Variants in RFX4 observed in about 807,000 individuals in gnomAD.
RFX4 encodes the protein transcription factor RFX4.
A neutral mutation model predicts 95.0 loss-of-function variants in RFX4; 10 were observed. The ratio of observed to expected loss-of-function variants is 0.11; its 90% CI spans 0.06 to 0.18. The LOEUF is 0.18. Ranked by LOEUF, RFX4 falls within the 10% of genes least tolerant of loss-of-function variation. The probability of loss-of-function intolerance (pLI) is 1.00; values close to 1 mark genes in which losing one functional copy is unlikely to be tolerated. For synonymous variants in RFX4, 321 were observed against 340.7 expected, an observed-to-expected ratio of 0.94 and a Z score of 0.64; for missense variants, 640 against 922.0, an observed-to-expected ratio of 0.69 and a Z score of 3.96.
intron 8 of RFX4, among the ~76,000 whole-genome samples, chr12:106,705,851 C>T (rs2042074279): frequency 6.6e-6 from 1 of 152,316 alleles, no homozygotes; most frequent in South Asian, 2.1e-4. Context: ...TATGTGCCTA[C>T]TATGTGTCTG....
intron 11 of RFX4, among the ~76,000 whole-genome samples, chr12:106,716,528 A>G (rs930499824): frequency 1.3e-5 from 2 of 152,124 alleles, no homozygotes; most frequent in Non-Finnish European, 2.9e-5. Context: ...AGAGGGTCCT[A>G]TTAGAGATCT....
At chr12:106,677,072 C>T (rs781335098) in intron 4 of RFX4, among the ~76,000 whole-genome samples, 1 of 152,060 alleles carries the variant, frequency 6.6e-6, no homozygotes, top group Non-Finnish European at 1.5e-5. Context: ...TGGAACCTGG[C>T]GCTGGATTGT....
intron 4 of RFX4, among the ~76,000 whole-genome samples, chr12:106,673,467 C>T (rs1033099737): frequency 1.3e-5 from 2 of 152,296 alleles, no homozygotes; most frequent in East Asian, 1.9e-4. Flanking sequence ...ATAAGCTGAG[C>T]GAGTGTTATG....
intron 1 of RFX4, among the ~76,000 whole-genome samples, chr12:106,584,287 C>G (rs2039419991): frequency 6.6e-6 from 1 of 152,180 alleles, no homozygotes; most frequent in African/African-American, 2.4e-5. Flanking sequence ...CTCCCTAAGT[C>G]CCTTGCAGGT....
At chr12:106,633,860 C>T (rs534052487) in intron 2 of RFX4, among the ~76,000 whole-genome samples, 1 of 152,216 alleles carries the variant, frequency 6.6e-6, no homozygotes, top group Non-Finnish European at 1.5e-5. Context: ...CATGCATCTT[C>T]CCTGGGCCCC....
In RFX4 at chr12:106,732,365, G is replaced by A. The variant is rs2042629607; in HGVS notation, c.1471+116G>A. 7.2e-6 allele frequency: 10 copies of A among 1,397,828 alleles called. No homozygotes were observed. The South Asian group carries it at 1.3e-4, about 19-fold the overall frequency. The allele number at this position is 1,397,828 out of a possible 1,614,324, so 86.6% of individuals were successfully genotyped here. ...CAAAGAATTTAGTTATGGTGAACAG[G>A]TTAAGTGGTATCAAACCAATCATGT... On this transcript the variant is annotated intron_variant, in intron 14 of 17. Coordinates refer to ENST00000392842, the MANE Select transcript of RFX4 (RefSeq NM_213594.3).
chr12:106,750,555 G>A lies in RFX4; in HGVS notation c.1797-100G>A, dbSNP rs115151607. On this transcript the variant is annotated intron_variant, in intron 16 of 17. Coordinates refer to ENST00000392842, the MANE Select transcript of RFX4 (RefSeq NM_213594.3). The stretch of plus-strand genomic sequence containing the variant: ...GGGGAAGAAAAGAAAAGAGAAAAAA[G>A]AAGAAAAAGGAAAAAAAATAGATGA... 2,107 of 1,186,954 alleles carry A rather than the reference G, an allele frequency of 1.8e-3. 30 individuals carry two copies. The African/African-American group carries it at 0.029, about 16-fold the overall frequency. 73.5% of individuals were successfully genotyped at this position (1,186,954 alleles called of 1,614,324 possible).
intron 8 of RFX4, among the ~76,000 whole-genome samples, chr12:106,696,932 C>T (rs867433905): frequency 8.5e-5 from 13 of 152,196 alleles, no homozygotes; most frequent in South Asian, 4.1e-4. Flanking sequence ...CTCCACCACA[C>T]TTCATGCTGC....
chr12:106,648,004 A>T (rs12227783), intron 3 of RFX4, among the ~76,000 whole-genome samples: 14,616 of 152,250 alleles, frequency 0.096, 832 homozygotes, highest in East Asian at 0.26. Context: ...GCTATGAGGA[A>T]CCATGGCCAT....
intron 1 of RFX4, among the ~76,000 whole-genome samples, chr12:106,605,125 T>C (rs1041243050): frequency 2.6e-5 from 4 of 152,214 alleles, no homozygotes; most frequent in Non-Finnish European, 5.9e-5. Context: ...AGTTGTATGA[T>C]ACCTCACCCA....
intron 1 of RFX4, among the ~76,000 whole-genome samples, chr12:106,584,539 G>A (rs2039424409): frequency 6.6e-6 from 1 of 152,172 alleles, no homozygotes; most frequent in Admixed American, 6.5e-5. Context: ...CCCTGAGCAT[G>A]CACGTCCTTT....
intron 8 of RFX4, among the ~76,000 whole-genome samples, chr12:106,703,196 T>C (rs1040022515): frequency 1.3e-5 from 2 of 152,230 alleles, no homozygotes; most frequent in African/African-American, 4.8e-5. Flanking sequence ...AATTCCAGGC[T>C]ACATGATTGT....
intron 11 of RFX4, among the ~76,000 whole-genome samples, chr12:106,718,394 G>A (rs2042333315): frequency 6.6e-6 from 1 of 152,252 alleles, no homozygotes; most frequent in Non-Finnish European, 1.5e-5. Flanking sequence ...GAGTCAGGAT[G>A]TGTTTGAATC....
chr12:106,615,846 CTTA>C (rs1211506723), intron 2 of RFX4, among the ~76,000 whole-genome samples: 1 of 152,102 alleles, frequency 6.6e-6, no homozygotes, highest in African/African-American at 2.4e-5. Flanking sequence ...GCTAAATGTG[CTTA>C]TTAATTTAAA....
chr12:106,602,461 A>G (rs772953716), intron 1 of RFX4, among the ~76,000 whole-genome samples: 36 of 152,236 alleles, frequency 2.4e-4, no homozygotes, highest in Non-Finnish European at 4.7e-4. Flanking sequence ...CCAATGTTAC[A>G]TAACTAGTAA....
chr12:106,761,507 ATAAT>A lies in RFX4; in HGVS notation c.*43_*46del, dbSNP rs1481683716. On this transcript the variant is annotated 3_prime_UTR_variant, in exon 18 of 18. Coordinates refer to ENST00000392842, the MANE Select transcript of RFX4 (RefSeq NM_213594.3). ...GCATCCATATTTAATATTAATAATA[ATAAT>A]TAATAATAATAATAAACCCAACACC... The A allele has an allele frequency of 1.3e-5, 17 of 1,274,952 alleles. No individual in the cohort carries two copies. Among genetic ancestry groups the A allele is most frequent in the Admixed American group, 7.0e-5 (2 of 28,558 alleles). The allele number at this position is 1,274,952 out of a possible 1,614,324, so 79.0% of individuals were successfully genotyped here.
At chr12:106,737,106 C>T (rs2042722160) in intron 15 of RFX4, among the ~76,000 whole-genome samples, 1 of 139,574 alleles carries the variant, frequency 7.2e-6, no homozygotes. Context: ...ACAGCATGGA[C>T]TTAATTATAT....
chr12:106,747,688 C>G, intron 16 of RFX4, 89 bp downstream of exon 16: 1 of 1,436,614 alleles, frequency 7.0e-7, no homozygotes, highest in Non-Finnish European at 9.5e-7. Context: ...AATCCCAGCA[C>G]TTTGGGAGGC....
At chr12:106,636,090 C>T (rs1475992545) in intron 2 of RFX4, among the ~76,000 whole-genome samples, 1 of 152,164 alleles carries the variant, frequency 6.6e-6, no homozygotes, top group Non-Finnish European at 1.5e-5. Flanking sequence ...TGAGATACCA[C>T]CCCTGCCTTC....
Sources: gnomAD v4.1 joint callset for allele counts (sites outside exome capture counted in the v4.1 genomes callset) on GRCh38, gnomAD v4.1.1 for gene constraint, MANE v1.5 for transcripts, NCBI Gene and HGNC (gene_info 2026-07-23, HGNC 2026-07-21) for gene names.